FRMD3: variants seen among roughly 807,000 people sequenced by gnomAD.
FRMD3 encodes the protein FERM domain-containing protein 3.
In FRMD3, 33 loss-of-function variants were observed where a neutral mutation model predicts 70.2. That is an observed-to-expected ratio of 0.47 (90% CI 0.36 to 0.63). The LOEUF (loss-of-function observed/expected upper bound fraction) is 0.63, where lower values mean the gene tolerates loss of function less well. FRMD3 is among the 20% of genes least tolerant of loss of function. The probability of loss-of-function intolerance (pLI) is 0.00; values close to 1 mark genes in which losing one functional copy is unlikely to be tolerated. For synonymous variants in FRMD3, 279 were observed against 255.9 expected, an observed-to-expected ratio of 1.09 and a Z score of -0.86; for missense variants, 632 against 711.4, an observed-to-expected ratio of 0.89 and a Z score of 1.27.
chr9:83,581,836 C>A, the FRMD3 span, among the ~76,000 whole-genome samples: 2 of 152,034 alleles, frequency 1.3e-5, no homozygotes, highest in Non-Finnish European at 2.9e-5. Flanking sequence ...CCCAAAAGAC[C>A]ACATAGTGTA....
At chr9:83,547,183 TA>T in the FRMD3 span, among the ~76,000 whole-genome samples, 2 of 149,434 alleles carry the variant, frequency 1.3e-5, no homozygotes, top group South Asian at 2.1e-4. Flanking sequence ...AATCAACAGT[TA>T]AAAAAAGACA....
chr9:83,276,392 CATTAT>C (rs1833792745), intron 13 of FRMD3: 1 of 152,200 alleles, frequency 6.6e-6, no homozygotes, highest in African/African-American at 2.4e-5. Context: ...AAGGAAATTA[CATTAT>C]ATTACATAAA....
At chr9:83,473,727 T>C (rs781595312) in intron 1 of FRMD3, among the ~76,000 whole-genome samples, 7 of 152,170 alleles carry the variant, frequency 4.6e-5, no homozygotes, top group Non-Finnish European at 8.8e-5. Context: ...TCACCCCCCA[T>C]GAAGGAAAGC....
chr9:83,347,838 C>T (rs200816197), intron 4 of FRMD3, among the ~76,000 whole-genome samples: 1 of 152,148 alleles, frequency 6.6e-6, no homozygotes, highest in Non-Finnish European at 1.5e-5. Flanking sequence ...GTTTAGAATT[C>T]TAAGGACTGT....
At chr9:83,372,478 C>T (rs1163763565) in intron 3 of FRMD3, among the ~76,000 whole-genome samples, 1 of 151,692 alleles carries the variant, frequency 6.6e-6, no homozygotes, top group Non-Finnish European at 1.5e-5. Flanking sequence ...AATAATGATA[C>T]AGTCTTCAGC....
In FRMD3 at chr9:83,269,602, G is replaced by A. The variant is rs979401360; in HGVS notation, c.1195+21001C>T. Among the ~76,000 whole-genome samples the A allele has an allele frequency of 4.6e-5, 7 of 152,004 alleles. No homozygotes were observed. In the South Asian group the frequency reaches 1.0e-3, roughly 23 times the overall value. ...CGGGCACCTGTAATCCCAGGTACTC[G>A]GGAGGCTGAGGCAGGAGAATTGCAT... On this transcript the variant is annotated intron_variant, in intron 13 of 13. Coordinates refer to ENST00000304195, the MANE Select transcript of FRMD3 (RefSeq NM_174938.6).
At chr9:83,378,200 A>G (rs1825209180) in intron 2 of FRMD3, among the ~76,000 whole-genome samples, 1 of 152,034 alleles carries the variant, frequency 6.6e-6, no homozygotes, top group African/African-American at 2.4e-5. Context: ...GGCTCCATGA[A>G]AGAGACTTCT....
At chr9:83,501,528 T>A (rs1829068910) in intron 1 of FRMD3, among the ~76,000 whole-genome samples, 1 of 152,206 alleles carries the variant, frequency 6.6e-6, no homozygotes, top group South Asian at 2.1e-4. Flanking sequence ...CCAGGGGATA[T>A]AATTTGTAAT....
intron 1 of FRMD3, among the ~76,000 whole-genome samples, chr9:83,520,173 G>C (rs1196070329): frequency 6.6e-6 from 1 of 152,124 alleles, no homozygotes; most frequent in Non-Finnish European, 1.5e-5. Context: ...ATGGGGTCCA[G>C]ATGCCTGGGT....
At chr9:83,299,036 T>C in intron 11 of FRMD3, 76 bp downstream of exon 11, 1 of 1,154,862 alleles carries the variant, frequency 8.7e-7, no homozygotes, top group Non-Finnish European at 1.3e-6. Context: ...AGGCCACTTA[T>C]TTGCAAGCAG....
intron 1 of FRMD3, among the ~76,000 whole-genome samples, chr9:83,478,499 C>G (rs1828452772): frequency 6.6e-6 from 1 of 152,078 alleles, no homozygotes; most frequent in African/African-American, 2.4e-5. Context: ...CAACAACAGC[C>G]AAAAACTACA....
At chr9:83,277,461 C>T (rs1587667268) in intron 13 of FRMD3, among the ~76,000 whole-genome samples, 2 of 152,138 alleles carry the variant, frequency 1.3e-5, no homozygotes, top group South Asian at 4.1e-4. Flanking sequence ...AATTCCCAGG[C>T]TCAAGTGATC....
At chr9:83,535,544 T>C (rs747621707) in intron 1 of FRMD3, among the ~76,000 whole-genome samples, 1 of 152,078 alleles carries the variant, frequency 6.6e-6, no homozygotes, top group African/African-American at 2.4e-5. Flanking sequence ...ATCCAACCCA[T>C]GGCCCAGGAC....
chr9:83,490,052 C>A (rs1372657666), intron 1 of FRMD3, among the ~76,000 whole-genome samples: 1 of 152,160 alleles, frequency 6.6e-6, no homozygotes, highest in Non-Finnish European at 1.5e-5. Flanking sequence ...TGGCGCCCAG[C>A]CCCTCTTTTC....
intron 1 of FRMD3, among the ~76,000 whole-genome samples, chr9:83,479,018 A>G (rs1454816716): frequency 6.6e-6 from 1 of 152,172 alleles, no homozygotes; most frequent in East Asian, 1.9e-4. Context: ...TGAATAAAAG[A>G]ATGAATAAAC....
intron 13 of FRMD3, among the ~76,000 whole-genome samples, chr9:83,250,689 A>T (rs1225129123): frequency 6.6e-6 from 1 of 152,196 alleles, no homozygotes; most frequent in East Asian, 1.9e-4. Context: ...GAGAACAGAG[A>T]TAGACCAGAA....
At chr9:83,536,525 C>G (rs1829896200) in intron 1 of FRMD3, among the ~76,000 whole-genome samples, 1 of 152,218 alleles carries the variant, frequency 6.6e-6, no homozygotes, top group African/African-American at 2.4e-5. Flanking sequence ...TCCACACTCT[C>G]TGGATCACAA....
intron 1 of FRMD3, among the ~76,000 whole-genome samples, chr9:83,418,248 C>T: frequency 6.6e-6 from 1 of 151,942 alleles, no homozygotes; most frequent in East Asian, 1.9e-4. Flanking sequence ...ACCCCAAAAG[C>T]AAATGCAACA....
intron 1 of FRMD3, among the ~76,000 whole-genome samples, chr9:83,481,828 G>A (rs1828573178): frequency 6.6e-6 from 1 of 152,056 alleles, no homozygotes; most frequent in Non-Finnish European, 1.5e-5. Context: ...ATATGCTAAT[G>A]TGCACTGTGA....
Sources: gnomAD v4.1 joint callset for allele counts (sites outside exome capture counted in the v4.1 genomes callset) on GRCh38, gnomAD v4.1.1 for gene constraint, MANE v1.5 for transcripts, NCBI Gene and HGNC (gene_info 2026-07-23, HGNC 2026-07-21) for gene names.